The following RGS20 variants were observed in gnomAD, a reference collection of about 807,000 sequenced individuals.
RGS20 encodes the protein regulator of G protein signaling 20.
A neutral mutation model predicts 33.6 loss-of-function variants in RGS20; 30 were observed. The observed-to-expected ratio is 0.89, with a 90% CI of 0.67 to 1.21. The LOEUF is 1.21. RGS20 is among the 50% of genes most tolerant of loss of function. The pLI is 0.00. For synonymous variants in RGS20, 208 were observed against 197.9 expected (o/e 1.05, Z -0.43); for missense variants, 472 against 502.4 (o/e 0.94, Z 0.58).
At chr8:53,929,070 T>G (rs1813881379) in intron 2 of RGS20, among the ~76,000 whole-genome samples, 1 of 152,124 alleles carries the variant, frequency 6.6e-6, no homozygotes, top group Admixed American at 6.6e-5. Flanking sequence ...ATGGTTCCCT[T>G]TATATAAAAA....
At chr8:53,933,168 A>G (rs576730330) in intron 2 of RGS20, among the ~76,000 whole-genome samples, 150 of 152,308 alleles carry the variant, frequency 9.8e-4, no homozygotes, top group African/African-American at 3.5e-3. Context: ...CCAGTGCAAA[A>G]AGGCTGAAAA....
At chr8:53,946,866 T>A (rs2129291707) in intron 4 of RGS20, 118 bp downstream of exon 3, 1 of 777,670 alleles carries the variant, frequency 1.3e-6, no homozygotes, top group Non-Finnish European at 2.0e-6. Context: ...TTTAGTAATA[T>A]CCAATCATTA....
At chr8:53,935,690 G>A (rs1474362632) in intron 2 of RGS20, among the ~76,000 whole-genome samples, 1 of 152,060 alleles carries the variant, frequency 6.6e-6, no homozygotes, top group Non-Finnish European at 1.5e-5. Context: ...AAGAGGAGCT[G>A]GTACCATTCC....
intron 2 of RGS20, among the ~76,000 whole-genome samples, chr8:53,925,761 T>C (rs1227405798): frequency 6.6e-6 from 1 of 151,368 alleles, no homozygotes; most frequent in Non-Finnish European, 1.5e-5. Flanking sequence ...TAAAACGAAG[T>C]AAGATATTCA....
intron 2 of RGS20, among the ~76,000 whole-genome samples, chr8:53,919,571 G>A (rs935147422): frequency 2.7e-5 from 4 of 149,662 alleles, no homozygotes; most frequent in Non-Finnish European, 5.9e-5. Flanking sequence ...GTCTGGTGTC[G>A]TTTGAAGCAT....
intron 2 of RGS20, among the ~76,000 whole-genome samples, chr8:53,903,766 CAGA>C (rs540960356): frequency 8.1e-4 from 124 of 152,312 alleles, no homozygotes; most frequent in African/African-American, 2.7e-3. Context: ...GATGCTGCTT[CAGA>C]AGGAGAAGCA....
chr8:53,866,727 TG>T (rs1407834428), intron 1 of RGS20, among the ~76,000 whole-genome samples: 1 of 151,998 alleles, frequency 6.6e-6, no homozygotes, highest in African/African-American at 2.4e-5. Context: ...ACGTGGGGAA[TG>T]GAGTGGGGTG....
At chr8:53,880,805 C>T in intron 2 of RGS20, 67 bp from the exon 1 acceptor site, 10 of 1,329,482 alleles carry the variant, frequency 7.5e-6, no homozygotes, top group Non-Finnish European at 9.7e-6. Flanking sequence ...AGTGCGCCGC[C>T]GCTGGAGGGA....
intron 4 of RGS20, among the ~76,000 whole-genome samples, chr8:53,948,540 C>T (rs1323877518): frequency 4.7e-5 from 3 of 63,328 alleles, no homozygotes. Flanking sequence ...TATATATTTA[C>T]ATATGCTATA....
chr8:53,880,112 C>G (rs1812318315), intron 2 of RGS20: 2 of 152,938 alleles, frequency 1.3e-5, no homozygotes, highest in Admixed American at 1.3e-4. Flanking sequence ...GTCCCACTCC[C>G]GAAGGGACGC....
chr8:53,909,210 TA>T, intron 2 of RGS20, among the ~76,000 whole-genome samples: 1 of 6,546 alleles, frequency 1.5e-4, no homozygotes, highest in African/African-American at 4.3e-4. Flanking sequence ...GGTATGTGTG[TA>T]TATATATATA....
chr8:53,946,862 A>C, intron 4 of RGS20, 114 bp downstream of exon 3: 1 of 807,712 alleles, frequency 1.2e-6, no homozygotes, highest in Non-Finnish European at 1.9e-6. Flanking sequence ...GTAATTTAGT[A>C]ATATCCAATC....
At chr8:53,871,913 T>C (rs1812078664) in intron 1 of RGS20, among the ~76,000 whole-genome samples, 1 of 152,134 alleles carries the variant, frequency 6.6e-6, no homozygotes, top group African/African-American at 2.4e-5. Context: ...TGCTTCCAAA[T>C]TCACATCTCC....
chr8:53,910,014 T>C (rs1485452461), intron 2 of RGS20, among the ~76,000 whole-genome samples: 1 of 152,210 alleles, frequency 6.6e-6, no homozygotes, highest in Non-Finnish European at 1.5e-5. Flanking sequence ...GCTGGGTTCA[T>C]ACATTTTATT....
chr8:53,893,924 TAAACA>T (rs1350467985), intron 2 of RGS20, among the ~76,000 whole-genome samples: 2 of 152,200 alleles, frequency 1.3e-5, no homozygotes, highest in Admixed American at 1.3e-4. Context: ...TGTCATAAAC[TAAACA>T]AAAGGCTTTA....
At chr8:53,879,161 A>G in intron 1 of RGS20, 1 of 990,008 alleles carries the variant, frequency 1.0e-6, no homozygotes, top group Admixed American at 2.0e-5. Flanking sequence ...TGCACCCCCA[A>G]AGTAACGCTT....
At chr8:53,872,690 C>T (rs760833447) in intron 1 of RGS20, among the ~76,000 whole-genome samples, 4 of 152,162 alleles carry the variant, frequency 2.6e-5, no homozygotes, top group Admixed American at 1.3e-4. Flanking sequence ...GTCTCTCTTA[C>T]AAGCACTTTG....
intron 2 of RGS20, among the ~76,000 whole-genome samples, chr8:53,933,525 C>T (rs1814037631): frequency 6.6e-6 from 1 of 151,952 alleles, no homozygotes; most frequent in Non-Finnish European, 1.5e-5. Flanking sequence ...TGAAGATCAA[C>T]TTAATGAAAT....
intron 2 of RGS20, among the ~76,000 whole-genome samples, chr8:53,890,796 T>C (rs1393196839): frequency 6.6e-6 from 1 of 152,196 alleles, no homozygotes; most frequent in Non-Finnish European, 1.5e-5. Context: ...CACCTGACCA[T>C]TTTTTACAAA....
Sources: allele counts gnomAD v4.1 joint callset (sites outside exome capture counted in the v4.1 genomes callset), GRCh38; gene constraint gnomAD v4.1.1; transcripts MANE v1.5; gene names NCBI Gene and HGNC (gene_info 2026-07-23, HGNC 2026-07-21).